Variants in FAM107B observed in about 807,000 individuals in gnomAD.
FAM107B encodes family with sequence similarity 107 member B, also known as protein FAM107B.
In FAM107B, 21 loss-of-function variants were observed where a neutral mutation model predicts 31.5. That is an observed-to-expected ratio of 0.67 (90% CI 0.47 to 0.96). FAM107B has a LOEUF of 0.96. Among genes scored for constraint, FAM107B ranks in the 40% least tolerant of loss-of-function variants. The pLI is 0.00. For missense variants in FAM107B, 452 were observed against 377.1 expected, an observed-to-expected ratio of 1.20 and a Z score of -1.64; for synonymous variants, 157 against 141.5, an observed-to-expected ratio of 1.11 and a Z score of -0.78.
chr10:14,528,764 T>C (rs1370245229), intron 3 of FAM107B, among the ~76,000 whole-genome samples: 1 of 152,148 alleles, frequency 6.6e-6, no homozygotes, highest in Admixed American at 6.5e-5. Context: ...CTCTAAAAAA[T>C]GTGGAAACAG....
intron 2 of FAM107B, among the ~76,000 whole-genome samples, chr10:14,571,598 G>A (rs904287473): frequency 2.6e-5 from 4 of 152,034 alleles, no homozygotes; most frequent in African/African-American, 9.7e-5. Flanking sequence ...CTCTCTTCCT[G>A]GCAAAGACAC....
At chr10:14,723,596 G>T in intron 1 of FAM107B, 1 of 681,930 alleles carries the variant, frequency 1.5e-6, no homozygotes, top group Non-Finnish European at 2.7e-6. Context: ...ACATAGAACA[G>T]AGGGGAATCT....
Position 14,540,663 on chromosome 10 carries a change from C to A in FAM107B, c.470-10148G>T, listed in dbSNP as rs75297618. ...TTCTCTCGATCATGCCTCTGGAAAC[C>A]CCATACACCTTTACCCCTTCTGCTA... On this transcript the variant is annotated intron_variant, in intron 2 of 4. Transcript: ENST00000181796. Among the ~76,000 whole-genome samples, 68 of 152,334 alleles carry A rather than the reference C, an allele frequency of 4.5e-4. 4 individuals are homozygous for A. The East Asian group carries it at 0.013, about 29-fold the overall frequency.
intron 2 of FAM107B, among the ~76,000 whole-genome samples, chr10:14,591,500 C>T (rs1430393047): frequency 2.6e-5 from 4 of 152,146 alleles, no homozygotes; most frequent in East Asian, 3.8e-4. Flanking sequence ...CAGTTTTCCC[C>T]GATACCCTGG....
intron 1 of FAM107B, among the ~76,000 whole-genome samples, chr10:14,688,954 G>A (rs1189619141): frequency 1.3e-5 from 2 of 152,288 alleles, no homozygotes; most frequent in South Asian, 2.1e-4. Context: ...ACCAAAGGAG[G>A]ACTTTATTGT....
chr10:14,694,532 C>A (rs1374775683), intron 1 of FAM107B, among the ~76,000 whole-genome samples: 1 of 151,966 alleles, frequency 6.6e-6, no homozygotes, highest in Non-Finnish European at 1.5e-5. Flanking sequence ...TACAGGCATG[C>A]GCCACTATGC....
intron 1 of FAM107B, among the ~76,000 whole-genome samples, chr10:14,763,652 C>G (rs58363989): frequency 8.2e-4 from 125 of 152,284 alleles, no homozygotes; most frequent in African/African-American, 2.8e-3. Flanking sequence ...TTCCGGAACT[C>G]TCAGAAAAGA....
At chr10:14,525,465 C>A (rs951800214) in intron 3 of FAM107B, among the ~76,000 whole-genome samples, 3 of 152,126 alleles carry the variant, frequency 2.0e-5, no homozygotes, top group Non-Finnish European at 4.4e-5. Flanking sequence ...ACATCCAAAC[C>A]CTCTCCATTA....
chr10:14,647,574 C>T (rs1394663936), intron 2 of FAM107B, among the ~76,000 whole-genome samples: 1 of 151,470 alleles, frequency 6.6e-6, no homozygotes, highest in Non-Finnish European at 1.5e-5. Flanking sequence ...GTCCCAGCTA[C>T]TCGGGAGGCT....
At chr10:14,739,757 G>A (rs1231181561) in intron 1 of FAM107B, among the ~76,000 whole-genome samples, 4 of 152,288 alleles carry the variant, frequency 2.6e-5, no homozygotes, top group African/African-American at 9.6e-5. Context: ...TGCTGAACTT[G>A]GAGTTGTGGG....
At chr10:14,584,005 A>G (rs1321847699) in intron 2 of FAM107B, among the ~76,000 whole-genome samples, 2 of 152,226 alleles carry the variant, frequency 1.3e-5, no homozygotes, top group Non-Finnish European at 2.9e-5. Flanking sequence ...AAATGACACC[A>G]ACACAGAAAT....
At chr10:14,698,782 C>A (rs1320219898) in intron 1 of FAM107B, among the ~76,000 whole-genome samples, 1 of 152,208 alleles carries the variant, frequency 6.6e-6, no homozygotes, top group African/African-American at 2.4e-5. Context: ...TTGCCCGGCC[C>A]TCTTTGAGCC....
Position 14,518,778 on chromosome 10 carries a change from T to A in FAM107B, c.*2412A>T, listed in dbSNP as rs1240172827. 6.6e-6 allele frequency: 1 copy of A among 152,670 alleles called. No individual in the cohort carries two copies. The highest frequency in any genetic ancestry group is 1.5e-5 in the Non-Finnish European group (1 of 68,048). The allele number at this position is 152,670 out of a possible 1,614,324, so 9.5% of individuals were successfully genotyped here. A position where few individuals can be genotyped will look rare whatever the true frequency, so the allele number is the denominator to read the frequency against. ...AGTAGAAGAATAAAGTCGACTGTTATAGCTTAGAAAGCAACACTACTACTA... is the reference window on the plus strand; with the variant it reads ...AGTAGAAGAATAAAGTCGACTGTTAAAGCTTAGAAAGCAACACTACTACTA... On this transcript the variant is annotated 3_prime_UTR_variant, in exon 5 of 5. Coordinates refer to ENST00000181796, the MANE Select transcript of FAM107B (RefSeq NM_031453.4).
At chr10:14,770,932 G>A (rs6602761) in intron 1 of FAM107B, among the ~76,000 whole-genome samples, 18,862 of 134,328 alleles carry the variant, frequency 0.14, 3,350 homozygotes, top group African/African-American at 0.42. Context: ...AAGATAGAGA[G>A]AGGGGCTTGT....
chr10:14,740,757 A>G (rs1019314765), intron 1 of FAM107B, among the ~76,000 whole-genome samples: 1 of 152,224 alleles, frequency 6.6e-6, no homozygotes, highest in Admixed American at 6.5e-5. Context: ...ATTTTCCTAT[A>G]AACCCAAAAC....
Position 14,584,651 on chromosome 10 carries a change from G to A in FAM107B, c.470-54136C>T, listed in dbSNP as rs1588634269. ...AACAGCTCCAAGATACGGACCCTGT[G>A]AGGCAGGAGAATAGGGGCTGGAGGC... On this transcript the variant is annotated intron_variant, in intron 2 of 4. Coordinates refer to ENST00000181796, the MANE Select transcript of FAM107B (RefSeq NM_031453.4). 2.0e-5 allele frequency among the ~76,000 whole-genome samples: 3 copies of A among 152,186 alleles called. No individual in the cohort carries two copies. The East Asian group carries it at 5.8e-4, about 29-fold the overall frequency.
In FAM107B at chr10:14,592,296, G is replaced by A. The variant is rs1375539793; in HGVS notation, c.470-61781C>T. ...GGCAAAGGAAGAGGCAGTTCCTGGGGCTACTAGTGCGGAAATGTACAGGTT... is the reference window on the plus strand; with the variant it reads ...GGCAAAGGAAGAGGCAGTTCCTGGGACTACTAGTGCGGAAATGTACAGGTT... On this transcript the variant is annotated intron_variant, in intron 2 of 4. Coordinates refer to ENST00000181796, the MANE Select transcript of FAM107B (RefSeq NM_031453.4). 2.6e-5 allele frequency among the ~76,000 whole-genome samples: 4 copies of A among 152,204 alleles called. No individual in the cohort carries two copies. The East Asian group carries it at 7.7e-4, about 29-fold the overall frequency.
chr10:14,760,683 T>C (rs1361986259), intron 1 of FAM107B, among the ~76,000 whole-genome samples: 1 of 149,078 alleles, frequency 6.7e-6, no homozygotes, highest in Non-Finnish European at 1.5e-5. Flanking sequence ...AAGATGTTTT[T>C]AGTTTATCTG....
rs11259170 is a variant in FAM107B at position 14,543,653 on chromosome 10, A to G, written c.470-13138T>C. ...AGAAAAAAGAAACAAAAAGCAGCCAATTCTGTTCCAAGGTTCACTATCTGA... is the reference window on the plus strand; with the variant it reads ...AGAAAAAAGAAACAAAAAGCAGCCAGTTCTGTTCCAAGGTTCACTATCTGA... On this transcript the variant is annotated intron_variant, in intron 2 of 4. Coordinates refer to ENST00000181796, the MANE Select transcript of FAM107B (RefSeq NM_031453.4). Among the ~76,000 whole-genome samples the G allele has an allele frequency of 2.0e-3, 305 of 149,598 alleles. 2 individuals are homozygous for G. The highest frequency in any genetic ancestry group is 7.0e-3 in the African/African-American group (285 of 40,870).
Sources: allele counts gnomAD v4.1 joint callset (sites outside exome capture counted in the v4.1 genomes callset), GRCh38; gene constraint gnomAD v4.1.1; transcripts MANE v1.5; gene names NCBI Gene and HGNC (gene_info 2026-07-23, HGNC 2026-07-21).